SPATA19: variants seen among roughly 807,000 people sequenced by gnomAD.
SPATA19 encodes spermatogenesis associated 19, also known as spermatogenesis-associated protein 19, mitochondrial.
SPATA19 carries 19 observed loss-of-function variants against 25.0 expected under a neutral mutation model. The observed-to-expected ratio is 0.76, with a 90% CI of 0.53 to 1.11. The LOEUF (loss-of-function observed/expected upper bound fraction) is 1.11. SPATA19 is among the 50% of genes most tolerant of loss of function. The pLI, the probability that SPATA19 is intolerant of heterozygous loss-of-function variation, is 0.00. For synonymous variants in SPATA19, 64 were observed against 69.3 expected (o/e 0.92, Z 0.38); for missense variants, 222 against 211.4 (o/e 1.05, Z -0.31).
chr11:133,843,725 G>T (rs1436855032), intron 4 of SPATA19, among the ~76,000 whole-genome samples: 3 of 152,144 alleles, frequency 2.0e-5, no homozygotes, highest in Non-Finnish European at 4.4e-5. Flanking sequence ...AAGCATGATG[G>T]CTTCAGGCCA....
At chr11:133,842,378 G>A in intron 5 of SPATA19, 107 bp downstream of exon 5, 1 of 874,070 alleles carries the variant, frequency 1.1e-6, no homozygotes. Context: ...CTTGATGTTG[G>A]CATACCAGAG....
At position 133,845,142 on chromosome 11, in the gene SPATA19, A is replaced by G. The variant is rs746574212; in HGVS notation, c.127T>C (p.Leu43=). ...SEAVSVLHHW[L]KKTEEEASRG... is the part of the protein sequence containing the mutation. ...AAAGAAATCTTACTCACTTTTTTCAACCAATGATGTAGTACAGACACAGCC... is the reference window on the plus strand; with the variant it reads ...AAAGAAATCTTACTCACTTTTTTCAGCCAATGATGTAGTACAGACACAGCC... The change falls in exon 2 of 7, where the codon TTG becomes CTG. Residue 43 remains leucine, a synonymous_variant. Transcript: ENST00000299140. 2.5e-6 allele frequency: 4 copies of G among 1,613,200 alleles called. No individual in the cohort carries two copies. Among genetic ancestry groups the G allele is most frequent in the South Asian group, 2.2e-5 (2 of 90,894 alleles).
At chr11:133,836,180 A>G (rs148570965), downstream of SPATA19, among the ~76,000 whole-genome samples, 27 of 152,084 alleles carry the variant, frequency 1.8e-4, 1 homozygote, top group East Asian at 5.3e-3. Context: ...TGGTGTGTCC[A>G]TGAAGCCAGA....
downstream of SPATA19, among the ~76,000 whole-genome samples, chr11:133,839,329 C>T (rs2121173397): frequency 6.6e-6 from 1 of 152,300 alleles, no homozygotes; most frequent in African/African-American, 2.4e-5. Flanking sequence ...GGCACATATC[C>T]ACCATGGAAT....
At chr11:133,841,427 C>T (rs1178101030) in intron 6 of SPATA19, among the ~76,000 whole-genome samples, 1 of 152,156 alleles carries the variant, frequency 6.6e-6, no homozygotes, top group Non-Finnish European at 1.5e-5. Flanking sequence ...CTCCCTTAGC[C>T]GCAGGATGGT....
In SPATA19 at chr11:133,845,382, G is replaced by A. The variant is rs200874627; in HGVS notation, c.65C>T (p.Pro22Leu). The change falls in exon 1 of 7, where the codon CCA becomes CTA. Residue 22 changes from proline to leucine, a missense_variant. Coordinates refer to ENST00000299140, the MANE Select transcript of SPATA19 (RefSeq NM_174927.3). ...ARKGVGLPFL[P>L]ITSSDIDVVE... ...CAAGCTGCTTACCGAACTGGTTATT[G>A]GTAGGAAGGGAAGCCCTACACCTTT... The A allele has an allele frequency of 2.5e-6, 4 of 1,612,730 alleles. No homozygotes were observed. The highest frequency in any genetic ancestry group is 1.3e-5 in the African/African-American group (1 of 74,864).
downstream of SPATA19, among the ~76,000 whole-genome samples, chr11:133,838,648 AGCAAT>A (rs1938248385): frequency 1.3e-5 from 2 of 152,206 alleles, no homozygotes; most frequent in Admixed American, 1.3e-4. Flanking sequence ...AAACACCAAA[AGCAAT>A]GGCAACAAAA....
downstream of SPATA19, among the ~76,000 whole-genome samples, chr11:133,839,606 A>G (rs1246231479): frequency 1.3e-5 from 2 of 152,124 alleles, no homozygotes; most frequent in Non-Finnish European, 2.9e-5. Flanking sequence ...GGTGCAGCAC[A>G]CCAACATGGC....
At chr11:133,836,507 G>C (rs1197988114), downstream of SPATA19, among the ~76,000 whole-genome samples, 1 of 152,170 alleles carries the variant, frequency 6.6e-6, no homozygotes, top group African/African-American at 2.4e-5. Flanking sequence ...AGGGGTTAAG[G>C]ACACTGGCTC....
At chr11:133,842,462 T>G (rs2121181128) in intron 5 of SPATA19, 23 bp downstream of exon 5, 1 of 1,592,108 alleles carries the variant, frequency 6.3e-7, no homozygotes, top group East Asian at 2.2e-5. Context: ...GGAACACAAA[T>G]CAAGCAGTTC....
chr11:133,840,741 TTCTTCAGG>T lies in SPATA19; in HGVS notation c.*184_*191del, dbSNP rs1284496135. The T allele has an allele frequency of 6.6e-6, 1 of 152,156 alleles. No individual in the cohort carries two copies. The highest frequency in any genetic ancestry group is 6.5e-5 in the Admixed American group (1 of 15,282). 9.4% of individuals were successfully genotyped at this position (152,156 alleles called of 1,614,324 possible). A position where few individuals can be genotyped will look rare whatever the true frequency, so the allele number is the denominator to read the frequency against. On this transcript the variant is annotated 3_prime_UTR_variant, in exon 7 of 7. Transcript: ENST00000299140. ...GAGTCTTTCTGCCCAGGTCTGGCCC[TTCTTCAGG>T]TCAAGCAGAGAAGGATGTTCTTCTG...
downstream of SPATA19, among the ~76,000 whole-genome samples, chr11:133,839,649 G>T (rs567592797): frequency 9.9e-5 from 15 of 152,096 alleles, no homozygotes; most frequent in South Asian, 3.1e-3. Flanking sequence ...CCTGCAAGTT[G>T]TGCACATGTA....
intron 6 of SPATA19, among the ~76,000 whole-genome samples, 165 bp from the exon 7 acceptor site, chr11:133,841,088 A>G (rs1938297050): frequency 6.6e-6 from 1 of 152,132 alleles, no homozygotes; most frequent in Non-Finnish European, 1.5e-5. Context: ...TGCGGCATTT[A>G]CCATGTGCTA....
intron 4 of SPATA19, among the ~76,000 whole-genome samples, chr11:133,843,292 C>T (rs1218120923): frequency 6.6e-6 from 1 of 152,140 alleles, no homozygotes; most frequent in East Asian, 1.9e-4. Flanking sequence ...AATTCCATAG[C>T]ACAACCACGT....
Position 133,845,463 on chromosome 11 carries a change from G to C in SPATA19, c.-17C>G. ...AATTATCATCTTTGAATGTATACCA[G>C]GCCCCCTTCTTGGCTCCCTCCTTCC... is the stretch of plus-strand genomic sequence containing the variant. On this transcript the variant is annotated 5_prime_UTR_variant, in exon 1 of 7. Transcript: ENST00000299140. The C allele has an allele frequency of 6.2e-7, 1 of 1,613,504 alleles. No individual in the cohort carries two copies. The highest frequency in any genetic ancestry group is 8.5e-7 in the Non-Finnish European group (1 of 1,179,724).
chr11:133,839,633 A>G (rs1938269838), downstream of SPATA19, among the ~76,000 whole-genome samples: 1 of 152,176 alleles, frequency 6.6e-6, no homozygotes, highest in African/African-American at 2.4e-5. Flanking sequence ...ATACATATGT[A>G]ACAAACCTGC....
At chr11:133,844,711 T>C in intron 2 of SPATA19, 71 bp from the exon 3 acceptor site, 1 of 1,498,934 alleles carries the variant, frequency 6.7e-7, no homozygotes, top group East Asian at 2.3e-5. Context: ...TCCTCTTCCT[T>C]TCCTTTTATT....
chr11:133,837,170 G>T (rs1938227845), downstream of SPATA19, among the ~76,000 whole-genome samples: 2 of 152,142 alleles, frequency 1.3e-5, no homozygotes, highest in Non-Finnish European at 2.9e-5. Context: ...CTAACAATAA[G>T]AACTGAATAA....
intron 4 of SPATA19, among the ~76,000 whole-genome samples, chr11:133,843,857 C>T (rs966371771): frequency 1.3e-5 from 2 of 152,308 alleles, no homozygotes; most frequent in East Asian, 1.9e-4. Context: ...ATTCTAGCCT[C>T]GGGCGCTGGG....
Sources: gnomAD v4.1 joint callset for allele counts (sites outside exome capture counted in the v4.1 genomes callset) on GRCh38, gnomAD v4.1.1 for gene constraint, MANE v1.5 for transcripts, NCBI Gene and HGNC (gene_info 2026-07-23, HGNC 2026-07-21) for gene names.